Variants in ACACB observed in about 807,000 individuals in gnomAD.
ACACB encodes acetyl-CoA carboxylase 2.
Under a neutral mutation model 278.8 loss-of-function variants are expected in ACACB, and 209 were observed. The observed-to-expected ratio is 0.75, with a 90% CI of 0.67 to 0.84. The LOEUF is 0.84. Among genes scored for constraint, ACACB ranks in the 40% least tolerant of loss-of-function variants. ACACB has a pLI of 0.00. For missense variants in ACACB, 2,850 were observed against 3,269.0 expected, an observed-to-expected ratio of 0.87 and a Z score of 3.13; for synonymous variants, 1,174 against 1,285.6, an observed-to-expected ratio of 0.91 and a Z score of 1.86.
intron 21 of ACACB, among the ~76,000 whole-genome samples, chr12:109,210,169 A>ATATATACACACATGTGTG (rs2045708096): frequency 4.7e-5 from 2 of 42,512 alleles, no homozygotes; most frequent in African/African-American, 9.1e-5. Flanking sequence ...GTGTATATGT[A>ATATATACACACATGTGTG]TATATGTATA....
intron 29 of ACACB, 129 bp from the exon 30 acceptor site, chr12:109,233,619 G>A (rs776083509): frequency 1.2e-5 from 9 of 743,072 alleles, no homozygotes; most frequent in Admixed American, 2.5e-5. Flanking sequence ...TGTAGAGTTG[G>A]ATAAGATCAA....
rs11066016 is a variant in ACACB, at chr12:109,261,781, G to T, written c.6675-576G>T. ...AGCTGCTCGGGGGGCTGAGGCAGGA[G>T]AATCACTTGAACCCGGGAGGCAGAG... On this transcript the variant is annotated intron_variant, in intron 48 of 52. Coordinates refer to ENST00000338432, the MANE Select transcript of ACACB (RefSeq NM_001093.4). 2.3e-3 allele frequency among the ~76,000 whole-genome samples: 335 copies of T among 148,418 alleles called. 7 individuals are homozygous for T. In the East Asian group the frequency reaches 0.059, roughly 26 times the overall value.
chr12:109,260,835 A>C (rs536052017), intron 48 of ACACB, among the ~76,000 whole-genome samples, 178 bp downstream of exon 48: 42 of 152,348 alleles, frequency 2.8e-4, no homozygotes, highest in African/African-American at 9.9e-4. Context: ...CAATCAAAAA[A>C]TAAAAAGGAA....
At chr12:109,168,057 C>A in intron 4 of ACACB, 23 bp downstream of exon 4, 1 of 1,589,022 alleles carries the variant, frequency 6.3e-7, no homozygotes, top group South Asian at 1.2e-5. Context: ...TGACCCTCTC[C>A]TCCCATCACG....
chr12:109,164,294 G>A (rs759420977), intron 2 of ACACB, among the ~76,000 whole-genome samples: 15 of 152,090 alleles, frequency 9.9e-5, no homozygotes, highest in South Asian at 2.1e-4. Flanking sequence ...GTCCAGTGGC[G>A]CGATCTCGGC....
At chr12:109,214,590 G>A (rs1287056536) in intron 22 of ACACB, among the ~76,000 whole-genome samples, 2 of 152,194 alleles carry the variant, frequency 1.3e-5, no homozygotes, top group Non-Finnish European at 1.5e-5. Flanking sequence ...AGTTTTCTGT[G>A]CTGACCATAA....
Position 109,227,409 on chromosome 12 carries a change from CA to C in ACACB, c.3922del (p.Ser1308AlafsTer14). On this transcript the variant is annotated frameshift_variant, in exon 28 of 53. Transcript: ENST00000338432. LOFTEE classifies it high-confidence loss of function. Reference protein sequence around the residue: ...RRGYIAYELNSLQHRQLPDGT... With the variant: ...RRGYIAYELNXLQHRQLPDGT... Reference sequence around the variant, plus strand: ...GGGGCTACATCGCCTATGAGTTAAACAGCCTGCAGCACCGGCAGCTCCCGGA... The same window carrying C: ...GGGGCTACATCGCCTATGAGTTAAACGCCTGCAGCACCGGCAGCTCCCGGA... The C allele has an allele frequency of 6.2e-7, 1 of 1,613,688 alleles. No homozygotes were observed.
intron 2 of ACACB, among the ~76,000 whole-genome samples, chr12:109,152,640 C>CTTTCTTTTTTTTTTTTT (rs1292930727): frequency 2.7e-5 from 2 of 74,840 alleles, no homozygotes; most frequent in Non-Finnish European, 2.5e-5. Flanking sequence ...TTCTTTCTTT[C>CTTTCTTTTTTTTTTTTT]TTTTTTTTTT....
intron 22 of ACACB, among the ~76,000 whole-genome samples, chr12:109,215,637 C>T (rs943707515): frequency 2.0e-5 from 3 of 151,988 alleles, no homozygotes; most frequent in African/African-American, 7.2e-5. Flanking sequence ...GGGTGGCAGG[C>T]GCCTGTAGTC....
chr12:109,179,251 C>T lies in ACACB; in HGVS notation c.1601C>T (p.Ala534Val), dbSNP rs772324658. 6.2e-7 allele frequency: 1 copy of T among 1,613,938 alleles called. No homozygotes were observed. The highest frequency in any genetic ancestry group is 1.1e-5 in the South Asian group (1 of 91,066). Residue 534 changes from alanine to valine, a missense_variant, in exon 10 of 53, where the codon GCA becomes GTA. This residue lies in a region of ACACB where 2,265 missense variants were observed against 2,561.3 expected (regional missense o/e 0.88). Coordinates refer to ENST00000338432, the MANE Select transcript of ACACB (RefSeq NM_001093.4). The stretch of plus-strand genomic sequence containing the variant: ...CGGCATCAGAAGATCGTTGAGGAAG[C>T]ACCGGCCACCATCGCCCCGCTGGCC... ...QRRHQKIVEEAPATIAPLAIF... is the reference protein window; with the variant it reads ...QRRHQKIVEEVPATIAPLAIF...
At position 109,202,584 on chromosome 12, in the gene ACACB, G is replaced by A. The variant is rs528722377; in HGVS notation, c.2913+883G>A. ...CCCTCCTCAGCCTCCCAAAGTGATGGGATTACAGGTGTGAGCCACTGCACC... is the reference window on the plus strand; with the variant it reads ...CCCTCCTCAGCCTCCCAAAGTGATGAGATTACAGGTGTGAGCCACTGCACC... On this transcript the variant is annotated intron_variant, in intron 19 of 52. Coordinates refer to ENST00000338432, the MANE Select transcript of ACACB (RefSeq NM_001093.4). Among the ~76,000 whole-genome samples the A allele has an allele frequency of 2.3e-3, 352 of 152,148 alleles. 2 individuals carry two copies. Among genetic ancestry groups the A allele is most frequent in the Middle Eastern group, 0.017 (5 of 294 alleles).
chr12:109,169,033 T>A (rs915096832), intron 4 of ACACB, among the ~76,000 whole-genome samples: 2 of 151,080 alleles, frequency 1.3e-5, no homozygotes, highest in Non-Finnish European at 2.9e-5. Context: ...TAGTCCCAGC[T>A]CTTCAGGAGG....
At chr12:109,232,174 T>C (rs2046492767) in intron 28 of ACACB, among the ~76,000 whole-genome samples, 3 of 152,232 alleles carry the variant, frequency 2.0e-5, no homozygotes, top group Admixed American at 2.0e-4. Context: ...TTGCTGCTGG[T>C]GAGCAGCCAG....
At chr12:109,209,868 C>T (rs1279694275) in intron 21 of ACACB, among the ~76,000 whole-genome samples, 2 of 134,766 alleles carry the variant, frequency 1.5e-5, no homozygotes, top group African/African-American at 5.7e-5. Context: ...TATATACACA[C>T]ATACACACAC....
chr12:109,204,137 G>A (rs1237100956), intron 19 of ACACB, among the ~76,000 whole-genome samples: 2 of 151,774 alleles, frequency 1.3e-5, no homozygotes, highest in Admixed American at 6.6e-5. Context: ...GGGTGATTGG[G>A]GTATCTATTA....
At chr12:109,154,531 G>C (rs886749866) in intron 2 of ACACB, among the ~76,000 whole-genome samples, 22 of 151,622 alleles carry the variant, frequency 1.5e-4, no homozygotes, top group African/African-American at 4.4e-4. Context: ...TTCGGCTGCC[G>C]AAGCTCAGCG....
At position 109,197,118 on chromosome 12, in the gene ACACB, C is replaced by T. The variant is rs1161537407; in HGVS notation, c.2592C>T (p.Asn864=). 6.2e-7 allele frequency: 1 copy of T among 1,604,140 alleles called. No individual in the cohort carries two copies. Among genetic ancestry groups the T allele is most frequent in the Admixed American group, 1.7e-5 (1 of 57,946 alleles). Residue 864 remains asparagine (N), a synonymous_variant, in exon 17 of 53, where the codon AAC becomes AAT. Transcript: ENST00000338432. Reference sequence around the variant, plus strand: ...GGCTCCTGCTCTCCTACAATGGGAACAGCTACACCACCTACATGAAGGAAG... The same window carrying T: ...GGCTCCTGCTCTCCTACAATGGGAATAGCTACACCACCTACATGAAGGAAG... ...DGGLLLSYNG[N]SYTTYMKEEV...
intron 11 of ACACB, 80 bp downstream of exon 11, chr12:109,180,167 G>A (rs760825972): frequency 1.2e-4 from 170 of 1,461,120 alleles, no homozygotes; most frequent in Non-Finnish European, 1.3e-4. Flanking sequence ...AGTCCATCCC[G>A]CCCATCTCTT....
At chr12:109,208,902 T>C (rs2045597906) in intron 20 of ACACB, among the ~76,000 whole-genome samples, 1 of 152,132 alleles carries the variant, frequency 6.6e-6, no homozygotes, top group African/African-American at 2.4e-5. Flanking sequence ...CATGTGACCT[T>C]ATGTTTGATC....
Sources: gnomAD v4.1 joint callset for allele counts (sites outside exome capture counted in the v4.1 genomes callset) on GRCh38, gnomAD v4.1.1 for gene constraint, gnomAD v4.1.1 regional missense constraint, MANE v1.5 for transcripts, NCBI Gene and HGNC (gene_info 2026-07-23, HGNC 2026-07-21) for gene names.